The following ROBO2 variants were observed in gnomAD, a reference collection of about 807,000 sequenced individuals.
The protein encoded by ROBO2 is roundabout homolog 2.
In ROBO2, 53 loss-of-function variants were observed where a neutral mutation model predicts 160.8. The observed-to-expected ratio is 0.33, with a 90% CI of 0.26 to 0.41. The LOEUF is 0.41. Ranked by LOEUF, ROBO2 falls within the 10% of genes least tolerant of loss-of-function variation. The pLI is 1.00. For missense variants in ROBO2, 1,577 were observed against 1,722.4 expected (o/e 0.92, Z 1.49); for synonymous variants, 664 against 611.7 (o/e 1.09, Z -1.26).
intron 2 of ROBO2, among the ~76,000 whole-genome samples, chr3:76,632,120 A>G (rs560404049): frequency 6.6e-6 from 1 of 152,346 alleles, no homozygotes; most frequent in South Asian, 2.1e-4. Flanking sequence ...GAAATCATTC[A>G]GCAGGCTTAG....
At chr3:75,963,962 G>A (rs1167806111) in intron 2 of ROBO2, among the ~76,000 whole-genome samples, 4 of 151,804 alleles carry the variant, frequency 2.6e-5, no homozygotes, top group East Asian at 3.9e-4. Context: ...TAAATCATCC[G>A]AATATGGTTA....
chr3:76,305,082 G>A (rs1045361400), intron 2 of ROBO2, among the ~76,000 whole-genome samples: 29 of 151,958 alleles, frequency 1.9e-4, no homozygotes, highest in African/African-American at 6.8e-4. Context: ...TAACTGTTCT[G>A]TGGTCATCTT....
At chr3:77,637,438 T>A (rs1457653189) in intron 24 of ROBO2, among the ~76,000 whole-genome samples, 1 of 152,198 alleles carries the variant, frequency 6.6e-6, no homozygotes, top group African/African-American at 2.4e-5. Context: ...TCTTTCCTGC[T>A]TCCTTTGTTT....
intron 2 of ROBO2, among the ~76,000 whole-genome samples, chr3:76,062,359 G>A (rs2068096920): frequency 6.6e-6 from 1 of 151,706 alleles, no homozygotes; most frequent in African/African-American, 2.4e-5. Context: ...AGAAATCCTA[G>A]CAGTTATGTG....
chr3:75,938,549 G>C (rs2107032982), intron 2 of ROBO2, among the ~76,000 whole-genome samples: 1 of 152,080 alleles, frequency 6.6e-6, no homozygotes, highest in African/African-American at 2.4e-5. Flanking sequence ...TTATTTCAAG[G>C]GATAGGTGTA....
chr3:77,114,184 A>AC (rs1347312376), intron 2 of ROBO2, among the ~76,000 whole-genome samples: 6 of 152,174 alleles, frequency 3.9e-5, no homozygotes. Flanking sequence ...TTGAGGTGAG[A>AC]CTAGACTAAG....
rs76453353 is a variant in ROBO2 at position 77,122,465 on chromosome 3, G to C, written c.388+24125G>C. The stretch of plus-strand genomic sequence containing the variant: ...GGCAAAGAGCTGAGGTTATAATTTA[G>C]CCGTCGCTGCCCCTTTGCTTTTGTG... On this transcript the variant is annotated intron_variant, in intron 2 of 25. Transcript: ENST00000461745. Among the ~76,000 whole-genome samples the C allele has an allele frequency of 3.0e-3, 458 of 152,282 alleles. 5 individuals are homozygous for C. Among genetic ancestry groups the C allele is most frequent in the African/African-American group, 0.01 (436 of 41,560 alleles).
intron 1 of ROBO2, among the ~76,000 whole-genome samples, chr3:77,075,359 A>G (rs989930857): frequency 1.3e-5 from 2 of 152,142 alleles, no homozygotes; most frequent in East Asian, 1.9e-4. Context: ...CTTCAGTAAG[A>G]TTTTAATTTG....
intron 2 of ROBO2, among the ~76,000 whole-genome samples, chr3:76,923,635 G>A (rs72631209): frequency 0.14 from 21,313 of 152,156 alleles, 1,728 homozygotes; most frequent in Non-Finnish European, 0.19. Flanking sequence ...AGGAATGAGG[G>A]AAAAGAGCAA....
intron 2 of ROBO2, among the ~76,000 whole-genome samples, chr3:77,211,102 C>T (rs922826799): frequency 2.0e-5 from 3 of 151,944 alleles, no homozygotes; most frequent in African/African-American, 7.3e-5. Context: ...GGGTATATAC[C>T]CAGTAATGGG....
intron 2 of ROBO2, among the ~76,000 whole-genome samples, chr3:77,343,664 T>C (rs1010586438): frequency 6.6e-6 from 1 of 152,198 alleles, no homozygotes; most frequent in Non-Finnish European, 1.5e-5. Flanking sequence ...GTGCTTAATA[T>C]AATTTGCTCT....
chr3:76,376,391 A>G (rs924618729), intron 2 of ROBO2, among the ~76,000 whole-genome samples: 1 of 152,108 alleles, frequency 6.6e-6, no homozygotes, highest in Non-Finnish European at 1.5e-5. Context: ...CAAAGAAACC[A>G]TGGATTTTAC....
At chr3:76,328,723 G>A (rs2073224899) in intron 2 of ROBO2, among the ~76,000 whole-genome samples, 2 of 152,016 alleles carry the variant, frequency 1.3e-5, no homozygotes, top group Non-Finnish European at 2.9e-5. Context: ...AGCTGGGCGT[G>A]GTGGCGGCGC....
At chr3:76,094,769 C>T (rs948928923) in intron 2 of ROBO2, among the ~76,000 whole-genome samples, 1 of 152,110 alleles carries the variant, frequency 6.6e-6, no homozygotes, top group African/African-American at 2.4e-5. Flanking sequence ...GAAAGGGAAA[C>T]TACAAAATCA....
chr3:75,955,797 G>A (rs1330279278), intron 2 of ROBO2, among the ~76,000 whole-genome samples: 5 of 151,626 alleles, frequency 3.3e-5, no homozygotes, highest in Non-Finnish European at 7.4e-5. Flanking sequence ...GTTTATAGGA[G>A]TTTAAAGCAC....
intron 2 of ROBO2, among the ~76,000 whole-genome samples, chr3:76,910,631 C>CAGGA (rs1559689486): frequency 6.9e-6 from 1 of 144,316 alleles, no homozygotes; most frequent in Admixed American, 7.3e-5. Context: ...GAGGCTGAGG[C>CAGGA]AGGAGAATCG....
At position 76,162,776 on chromosome 3, in the gene ROBO2, A is replaced by G. The variant is rs1373001984; in HGVS notation, c.109+225174A>G. ...TCGATTCCAAAATTGGGACATGTGT[A>G]TACTTTTGTATATTGATATTTTTCT... is the stretch of plus-strand genomic sequence containing the variant. On this transcript the variant is annotated intron_variant, in intron 2 of 26. Coordinates refer to the ROBO2 transcript ENST00000487694. Among the ~76,000 whole-genome samples the G allele has an allele frequency of 2.0e-5, 3 of 152,140 alleles. No individual in the cohort carries two copies. The South Asian group carries it at 6.2e-4, about 31-fold the overall frequency.
intron 2 of ROBO2, among the ~76,000 whole-genome samples, chr3:76,623,629 C>A (rs2089394931): frequency 6.6e-6 from 1 of 152,196 alleles, no homozygotes. Flanking sequence ...TCATGCACTG[C>A]AGCCTTAAAC....
chr3:77,618,056 T>TA (rs1226634436), intron 22 of ROBO2: 23 of 438,398 alleles, frequency 5.2e-5, no homozygotes, highest in Non-Finnish European at 9.6e-5. Flanking sequence ...AAATCTGCTG[T>TA]ATTTCAGGCT....
Sources: allele counts gnomAD v4.1 joint callset (sites outside exome capture counted in the v4.1 genomes callset), GRCh38; gene constraint gnomAD v4.1.1; transcripts MANE v1.5; gene names NCBI Gene and HGNC (gene_info 2026-07-23, HGNC 2026-07-21).